PTPRN2: variants seen among roughly 807,000 people sequenced by gnomAD.
The protein encoded by PTPRN2 is receptor-type tyrosine-protein phosphatase N2.
In PTPRN2, 74 loss-of-function variants were observed where a neutral mutation model predicts 118.8. The ratio of observed to expected loss-of-function variants is 0.62; its 90% CI spans 0.52 to 0.76. The LOEUF is 0.76. Among genes scored for constraint, PTPRN2 ranks in the 30% least tolerant of loss-of-function variants. PTPRN2 has a pLI of 0.00. For synonymous variants in PTPRN2, 641 were observed against 608.0 expected (o/e 1.05, Z -0.80); for missense variants, 1,481 against 1,394.4 (o/e 1.06, Z -0.99).
intron 10 of PTPRN2, among the ~76,000 whole-genome samples, chr7:158,084,445 CTT>C (rs1436788970): frequency 6.6e-6 from 1 of 152,172 alleles, no homozygotes; most frequent in East Asian, 1.9e-4. Flanking sequence ...CTTTCTGTCT[CTT>C]TAGACATTTG....
At chr7:157,976,061 C>G (rs1008576068) in intron 11 of PTPRN2, among the ~76,000 whole-genome samples, 1 of 152,258 alleles carries the variant, frequency 6.6e-6, no homozygotes, top group African/African-American at 2.4e-5. Flanking sequence ...TGAGTGCTCA[C>G]CATCCAAGTC....
chr7:158,017,753 C>A (rs555443471), intron 11 of PTPRN2, among the ~76,000 whole-genome samples: 1 of 152,168 alleles, frequency 6.6e-6, no homozygotes, highest in African/African-American at 2.4e-5. Flanking sequence ...CAGGGCTGGG[C>A]GGCCAGCAGG....
intron 12 of PTPRN2, among the ~76,000 whole-genome samples, chr7:157,774,929 T>C (rs941196302): frequency 6.6e-6 from 1 of 152,216 alleles, no homozygotes; most frequent in Non-Finnish European, 1.5e-5. Flanking sequence ...ACATGGTCTC[T>C]TCTTCTGCTA....
intron 12 of PTPRN2, among the ~76,000 whole-genome samples, chr7:157,889,426 G>A (rs543924799): frequency 8.5e-5 from 13 of 152,072 alleles, no homozygotes; most frequent in Non-Finnish European, 1.5e-4. Context: ...TTATGGTTTC[G>A]ACCCAACAAC....
At chr7:157,793,071 T>A (rs1209883819) in intron 12 of PTPRN2, among the ~76,000 whole-genome samples, 1 of 152,102 alleles carries the variant, frequency 6.6e-6, no homozygotes, top group Non-Finnish European at 1.5e-5. Flanking sequence ...GGGACCCCTC[T>A]ACAATGCGCT....
intron 1 of PTPRN2, among the ~76,000 whole-genome samples, chr7:158,491,598 C>T (rs1379892851): frequency 2.0e-5 from 3 of 152,058 alleles, no homozygotes; most frequent in African/African-American, 7.2e-5. Context: ...CAAGCAATCC[C>T]CCTGCCTCAG....
At chr7:157,601,641 C>T (rs1801672832) in intron 16 of PTPRN2, among the ~76,000 whole-genome samples, 2 of 152,244 alleles carry the variant, frequency 1.3e-5, no homozygotes, top group South Asian at 4.1e-4. Flanking sequence ...TGAAAGCTGT[C>T]CACCGTTTCC....
intron 12 of PTPRN2, among the ~76,000 whole-genome samples, chr7:157,771,838 C>G (rs1247895298): frequency 2.0e-5 from 3 of 148,142 alleles, no homozygotes; most frequent in Admixed American, 6.8e-5. Flanking sequence ...CACACAGACA[C>G]AAGACACAAA....
intron 11 of PTPRN2, among the ~76,000 whole-genome samples, chr7:158,016,188 CATACAAG>C (rs1329973178): frequency 6.6e-6 from 1 of 152,220 alleles, no homozygotes. Flanking sequence ...CCGAGTCTCT[CATACAAG>C]GGAGGTGGGG....
At chr7:158,146,589 C>T (rs559672470) in intron 6 of PTPRN2, among the ~76,000 whole-genome samples, 69 of 150,866 alleles carry the variant, frequency 4.6e-4, no homozygotes, top group Non-Finnish European at 4.7e-4. Flanking sequence ...GGCGTGGTGG[C>T]GGGCGCCTGT....
At chr7:157,966,475 T>C (rs1801938362) in intron 11 of PTPRN2, among the ~76,000 whole-genome samples, 2 of 151,190 alleles carry the variant, frequency 1.3e-5, no homozygotes, top group African/African-American at 4.9e-5. Flanking sequence ...TCATCATCTT[T>C]ATCATCACAA....
intron 12 of PTPRN2, among the ~76,000 whole-genome samples, chr7:157,683,894 C>T (rs1346129638): frequency 6.6e-6 from 1 of 152,156 alleles, no homozygotes; most frequent in African/African-American, 2.4e-5. Context: ...GGCCTTGGTC[C>T]TGGCTGCTAC....
chr7:157,997,782 G>A (rs138790551), intron 11 of PTPRN2, among the ~76,000 whole-genome samples: 6 of 149,530 alleles, frequency 4.0e-5, no homozygotes, highest in Non-Finnish European at 8.9e-5. Flanking sequence ...ACAGAGGAGA[G>A]GAATGTGGGG....
intron 3 of PTPRN2, among the ~76,000 whole-genome samples, chr7:158,222,071 A>T (rs1301380408): frequency 6.6e-6 from 1 of 152,198 alleles, no homozygotes; most frequent in African/African-American, 2.4e-5. Context: ...AAAGTCAAAA[A>T]ATAACAGATG....
At chr7:157,981,610 TTA>T (rs1803157523) in intron 11 of PTPRN2, among the ~76,000 whole-genome samples, 2 of 152,170 alleles carry the variant, frequency 1.3e-5, no homozygotes, top group Non-Finnish European at 2.9e-5. Context: ...TCAGTTTACT[TTA>T]TTTTAAAAAA....
At chr7:158,487,201 C>T (rs1821094672) in intron 2 of PTPRN2, among the ~76,000 whole-genome samples, 1 of 152,200 alleles carries the variant, frequency 6.6e-6, no homozygotes, top group African/African-American at 2.4e-5. Context: ...GCTGCTTTCG[C>T]CTTTGGCTGT....
chr7:157,749,216 C>T (rs77755664), intron 12 of PTPRN2, among the ~76,000 whole-genome samples: 2 of 100,000 alleles, frequency 2.0e-5, no homozygotes, highest in East Asian at 3.5e-4. Flanking sequence ...CTGAGGCCTG[C>T]GTCCCTGAGC....
intron 11 of PTPRN2, among the ~76,000 whole-genome samples, chr7:158,018,341 G>C (rs1039669714): frequency 1.2e-4 from 19 of 152,286 alleles, no homozygotes; most frequent in Middle Eastern, 3.4e-3. Flanking sequence ...CTAACACACG[G>C]CTAAGGTGGC....
At chr7:158,132,424 ACT>A (rs1179582869) in intron 9 of PTPRN2, among the ~76,000 whole-genome samples, 1 of 150,814 alleles carries the variant, frequency 6.6e-6, no homozygotes, top group Admixed American at 6.6e-5. Context: ...CCCGACACAC[ACT>A]CATACACACA....
Sources: gnomAD v4.1 joint callset for allele counts (sites outside exome capture counted in the v4.1 genomes callset) on GRCh38, gnomAD v4.1.1 for gene constraint, MANE v1.5 for transcripts, NCBI Gene and HGNC (gene_info 2026-07-23, HGNC 2026-07-21) for gene names.